TMEM117: variants seen among roughly 807,000 people sequenced by gnomAD.
The protein encoded by TMEM117 is transmembrane protein 117.
Under a neutral mutation model 52.4 loss-of-function variants are expected in TMEM117, and 27 were observed. The observed-to-expected ratio is 0.51, with a 90% CI of 0.38 to 0.71. The LOEUF (loss-of-function observed/expected upper bound fraction) is 0.71, where lower values mean the gene tolerates loss of function less well. Ranked by LOEUF, TMEM117 falls within the 30% of genes least tolerant of loss-of-function variation. The pLI is 0.00. For synonymous variants in TMEM117, 215 were observed against 206.3 expected (o/e 1.04, Z -0.36); for missense variants, 556 against 630.5 (o/e 0.88, Z 1.26).
intron 3 of TMEM117, among the ~76,000 whole-genome samples, chr12:44,109,922 C>T (rs1315975488): frequency 9.8e-5 from 8 of 81,704 alleles, no homozygotes; most frequent in Non-Finnish European, 1.8e-4. Flanking sequence ...AGGTCCTTCA[C>T]ATCCCTTGTA....
intron 2 of TMEM117, among the ~76,000 whole-genome samples, chr12:43,899,162 G>C (rs1944262957): frequency 6.6e-6 from 1 of 152,202 alleles, no homozygotes. Context: ...ATTGCTTGAA[G>C]TCTGATCCTA....
At chr12:44,377,424 G>A (rs74085152) in intron 7 of TMEM117, among the ~76,000 whole-genome samples, 4,993 of 152,150 alleles carry the variant, frequency 0.033, 280 homozygotes, top group African/African-American at 0.11. Flanking sequence ...CTACTTCTGT[G>A]GCAAAGCTCA....
At chr12:44,190,964 A>G (rs917204600) in intron 4 of TMEM117, among the ~76,000 whole-genome samples, 5 of 147,890 alleles carry the variant, frequency 3.4e-5, no homozygotes, top group African/African-American at 7.4e-5. Flanking sequence ...AATATATATT[A>G]TATATATATA....
chr12:44,174,812 A>G (rs1949096401), intron 4 of TMEM117, among the ~76,000 whole-genome samples: 1 of 152,188 alleles, frequency 6.6e-6, no homozygotes, highest in Non-Finnish European at 1.5e-5. Flanking sequence ...CACAACAGAA[A>G]ATCCTGACTT....
chr12:44,303,294 C>T (rs905889854), intron 6 of TMEM117, among the ~76,000 whole-genome samples: 1 of 152,076 alleles, frequency 6.6e-6, no homozygotes, highest in African/African-American at 2.4e-5. Context: ...GGTGATCCGC[C>T]CACCTCGGCC....
At chr12:44,386,565 T>C (rs1474908428) in intron 7 of TMEM117, among the ~76,000 whole-genome samples, 1 of 152,036 alleles carries the variant, frequency 6.6e-6, no homozygotes, top group East Asian at 1.9e-4. Context: ...CTCATGCAAA[T>C]AAAAAAATTA....
the TMEM117 span, among the ~76,000 whole-genome samples, chr12:43,808,328 G>A: frequency 3.6e-4 from 55 of 152,260 alleles, no homozygotes; most frequent in Non-Finnish European, 5.7e-4. Flanking sequence ...GCTCTTCTAA[G>A]TCCAAGTTTA....
At position 43,850,070 on chromosome 12, in the gene TMEM117, A is replaced by G. The variant is rs1276384995; in HGVS notation, c.277+5142A>G. ...CCTATCCCCAAAGACTGAGGAGCTG[A>G]GAGGCTGAAGAAAGAGGCTGACACA... is the stretch of plus-strand genomic sequence containing the variant. On this transcript the variant is annotated intron_variant, in intron 2 of 7. Coordinates refer to ENST00000266534, the MANE Select transcript of TMEM117 (RefSeq NM_032256.3). Among the ~76,000 whole-genome samples, 3 of 152,182 alleles carry G rather than the reference A, an allele frequency of 2.0e-5. No individual in the cohort carries two copies. In the East Asian group the frequency reaches 5.8e-4, roughly 29 times the overall value.
intron 3 of TMEM117, among the ~76,000 whole-genome samples, chr12:44,133,322 G>A (rs1948442948): frequency 6.6e-6 from 1 of 152,140 alleles, no homozygotes; most frequent in Non-Finnish European, 1.5e-5. Context: ...GAATCAACTA[G>A]CCTTCATGAC....
At chr12:44,386,356 T>C (rs1565783152) in intron 7 of TMEM117, among the ~76,000 whole-genome samples, 1 of 152,168 alleles carries the variant, frequency 6.6e-6, no homozygotes, top group South Asian at 2.1e-4. Context: ...GCTATAGATA[T>C]TTTATCATAT....
intron 3 of TMEM117, among the ~76,000 whole-genome samples, chr12:44,083,036 T>C (rs1054311585): frequency 2.0e-5 from 3 of 152,188 alleles, no homozygotes; most frequent in African/African-American, 7.2e-5. Flanking sequence ...AACATTCCAT[T>C]GTGTGAGTAT....
chr12:44,082,572 C>T (rs1429442123), intron 3 of TMEM117, among the ~76,000 whole-genome samples: 1 of 151,796 alleles, frequency 6.6e-6, no homozygotes, highest in Non-Finnish European at 1.5e-5. Flanking sequence ...AAATATGTTA[C>T]ATAAAAGTAC....
intron 3 of TMEM117, among the ~76,000 whole-genome samples, chr12:43,977,600 A>G (rs1945693601): frequency 1.3e-5 from 2 of 152,174 alleles, no homozygotes; most frequent in Non-Finnish European, 2.9e-5. Context: ...AAAGGTAAAT[A>G]AGGCTTGTGC....
chr12:44,293,195 G>A (rs1950726100), intron 5 of TMEM117, among the ~76,000 whole-genome samples: 1 of 151,852 alleles, frequency 6.6e-6, no homozygotes, highest in South Asian at 2.1e-4. Context: ...TCTTGTAACA[G>A]ATTTTGACTG....
At chr12:43,868,312 G>A (rs1259271903) in intron 2 of TMEM117, among the ~76,000 whole-genome samples, 3 of 151,838 alleles carry the variant, frequency 2.0e-5, no homozygotes, top group East Asian at 1.9e-4. Context: ...AGGCCAAGGC[G>A]GTTGGATTGC....
chr12:44,137,991 T>A (rs1948516556), intron 3 of TMEM117, among the ~76,000 whole-genome samples: 1 of 152,166 alleles, frequency 6.6e-6, no homozygotes, highest in South Asian at 2.1e-4. Context: ...CTTTGCATAC[T>A]TTATATCATG....
chr12:43,863,592 C>T (rs1943528191), intron 2 of TMEM117, among the ~76,000 whole-genome samples: 1 of 152,208 alleles, frequency 6.6e-6, no homozygotes, highest in South Asian at 2.1e-4. Context: ...TTAGAAAGGG[C>T]AGACCCACAG....
intron 3 of TMEM117, among the ~76,000 whole-genome samples, chr12:43,953,825 T>TC (rs929545255): frequency 1.1e-4 from 17 of 151,720 alleles, no homozygotes; most frequent in African/African-American, 2.9e-4. Flanking sequence ...TACAGAACTC[T>TC]CCCCCCCAAA....
intron 6 of TMEM117, among the ~76,000 whole-genome samples, chr12:44,330,039 G>T (rs1284087947): frequency 6.6e-6 from 1 of 151,972 alleles, no homozygotes; most frequent in Admixed American, 6.6e-5. Flanking sequence ...CTCAAAAGTA[G>T]AATTCCTGGA....
Sources: gnomAD v4.1 joint callset for allele counts (sites outside exome capture counted in the v4.1 genomes callset) on GRCh38, gnomAD v4.1.1 for gene constraint, MANE v1.5 for transcripts, NCBI Gene and HGNC (gene_info 2026-07-23, HGNC 2026-07-21) for gene names.